The following CFAP20DC variants were observed in gnomAD, a reference collection of about 807,000 sequenced individuals.
CFAP20DC encodes CFAP20 domain containing, also known as protein CFAP20DC.
A neutral mutation model predicts 101.7 loss-of-function variants in CFAP20DC; 84 were observed. The observed-to-expected ratio is 0.83, with a 90% confidence interval of 0.69 to 0.99. The LOEUF (loss-of-function observed/expected upper bound fraction) is 0.99, where lower values mean the gene tolerates loss of function less well. CFAP20DC is among the 50% of genes least tolerant of loss of function. CFAP20DC has a pLI of 0.00. For missense variants in CFAP20DC, 1,007 were observed against 970.3 expected (o/e 1.04, Z -0.50); for synonymous variants, 359 against 351.2 (o/e 1.02, Z -0.25).
At chr3:59,020,738 A>C (rs375461685) in intron 4 of CFAP20DC, among the ~76,000 whole-genome samples, 2 of 152,080 alleles carry the variant, frequency 1.3e-5, no homozygotes, top group African/African-American at 4.8e-5. Context: ...TTTAAACTCA[A>C]TTGTGTGGTT....
At chr3:58,752,588 A>G (rs2068650804) in intron 16 of CFAP20DC, among the ~76,000 whole-genome samples, 1 of 152,102 alleles carries the variant, frequency 6.6e-6, no homozygotes, top group Admixed American at 6.6e-5. Context: ...ATAACACATT[A>G]TTTGTTCCCT....
chr3:58,931,552 G>T (rs1405004861), intron 5 of CFAP20DC, among the ~76,000 whole-genome samples: 1 of 152,150 alleles, frequency 6.6e-6, no homozygotes, highest in Non-Finnish European at 1.5e-5. Flanking sequence ...ACTTCACACG[G>T]GCGGGTACTC....
rs149044703 is a variant in CFAP20DC, at chr3:58,943,944, C to T, written c.279-6182G>A. On this transcript the variant is annotated intron_variant, in intron 4 of 16. Transcript: ENST00000482387. ...TGAAGCATACGCAAGTATCAATAGC[C>T]GAATCAATCAAGCGGAAGAAAGGAT... 1.7e-3 allele frequency among the ~76,000 whole-genome samples: 254 copies of T among 151,726 alleles called. 1 individual carries two copies. The highest frequency in any genetic ancestry group is 7.7e-3 in the South Asian group (37 of 4,780).
At chr3:58,978,736 T>C (rs1318548394) in intron 4 of CFAP20DC, among the ~76,000 whole-genome samples, 1 of 142,482 alleles carries the variant, frequency 7.0e-6, no homozygotes, top group Admixed American at 6.9e-5. Context: ...AAAAAAAAAG[T>C]CTTACTCTGT....
intron 15 of CFAP20DC, among the ~76,000 whole-genome samples, chr3:58,756,506 T>C (rs1399999730): frequency 6.6e-6 from 1 of 152,164 alleles, no homozygotes; most frequent in African/African-American, 2.4e-5. Flanking sequence ...TCCTTTTGTG[T>C]TACATTTTAG....
intron 4 of CFAP20DC, among the ~76,000 whole-genome samples, chr3:59,020,345 A>G (rs930977733): frequency 2.0e-5 from 3 of 152,078 alleles, no homozygotes; most frequent in Non-Finnish European, 2.9e-5. Context: ...TCTTATAGAC[A>G]TAACATTTTA....
intron 4 of CFAP20DC, among the ~76,000 whole-genome samples, chr3:59,036,163 G>A (rs1428471535): frequency 1.3e-5 from 2 of 151,986 alleles, no homozygotes; most frequent in Non-Finnish European, 2.9e-5. Context: ...ATAATAAGAG[G>A]TATTTATGAC....
At position 59,005,723 on chromosome 3, in the gene CFAP20DC, T is replaced by C. The variant is rs541264309; in HGVS notation, c.278+33834A>G. On this transcript the variant is annotated intron_variant, in intron 4 of 16. Transcript: ENST00000482387. ...TTATTGTCATAAAAATTTCAATATATTAATGTAATTAAATGTCTTCATCAT... is the reference window on the plus strand; with the variant it reads ...TTATTGTCATAAAAATTTCAATATACTAATGTAATTAAATGTCTTCATCAT... 9.2e-5 allele frequency among the ~76,000 whole-genome samples: 14 copies of C among 152,354 alleles called. No individual in the cohort carries two copies. In the East Asian group the frequency reaches 2.5e-3, roughly 27 times the overall value.
chr3:58,773,039 T>A (rs1422019490), intron 15 of CFAP20DC, among the ~76,000 whole-genome samples: 1 of 151,470 alleles, frequency 6.6e-6, no homozygotes. Flanking sequence ...CTTAAAGCAG[T>A]TTCTCTCTTT....
At chr3:58,862,529 G>A (rs2108461151) in intron 12 of CFAP20DC, 1 of 985,290 alleles carries the variant, frequency 1.0e-6, no homozygotes, top group Non-Finnish European at 1.2e-6. Flanking sequence ...TCCTCTACGC[G>A]CTTTGCTGAA....
At position 58,869,599 on chromosome 3, in the gene CFAP20DC, C is replaced by T. The variant is rs1174329804; in HGVS notation, c.853-109G>A. The T allele has an allele frequency of 2.5e-6, 2 of 791,616 alleles. No individual in the cohort carries two copies. Among genetic ancestry groups the T allele is most frequent in the Admixed American group, 3.3e-5 (1 of 30,102 alleles). The allele number at this position is 791,616 out of a possible 1,614,324, so 49.0% of individuals were successfully genotyped here. On this transcript the variant is annotated intron_variant, in intron 8 of 16. Transcript: ENST00000482387. This position sits in a 1 kb window ranked among gnomAD's most constrained non-coding sequence, Gnocchi z 4.3. ...GGACCAATGAAGAGTGAGAAAAAAA[C>T]TAGAGGAAATGAGGTTAAGATGTGA...
rs1233007468 is a variant in CFAP20DC, at chr3:58,874,210, TCATG to T, written c.716-3905_716-3902del. Among the ~76,000 whole-genome samples the T allele has an allele frequency of 6.6e-6, 1 of 152,180 alleles. No individual in the cohort carries two copies. ...GGTTTGAAAAGTCAGAATCTAGGTG[TCATG>T]CTTGACACCTTCCCCTGATCTCTCC... On this transcript the variant is annotated intron_variant, in intron 7 of 16. Transcript: ENST00000482387. This position sits in a 1 kb window ranked among gnomAD's most constrained non-coding sequence, Gnocchi z 5.1.
At position 58,807,347 on chromosome 3, in the gene CFAP20DC, C is replaced by T. The variant is rs56792158; in HGVS notation, c.2176-891G>A. On this transcript the variant is annotated intron_variant, in intron 14 of 16. Transcript: ENST00000482387. The stretch of plus-strand genomic sequence containing the variant: ...GGGGCAGACTGACACTTCACACGGG[C>T]GGGTACTCCTCTGAGATAAAACTTC... 1.7e-3 allele frequency among the ~76,000 whole-genome samples: 254 copies of T among 152,236 alleles called. 6 individuals are homozygous for T. In the East Asian group the frequency reaches 0.045, roughly 27 times the overall value.
intron 5 of CFAP20DC, among the ~76,000 whole-genome samples, chr3:58,924,519 T>C (rs1314652710): frequency 2.2e-4 from 34 of 152,196 alleles, no homozygotes; most frequent in Non-Finnish European, 1.6e-4. Flanking sequence ...CTATTGTGAA[T>C]AGTTCTGTAA....
At chr3:58,942,790 A>T (rs1044251886) in intron 4 of CFAP20DC, among the ~76,000 whole-genome samples, 2 of 152,102 alleles carry the variant, frequency 1.3e-5, no homozygotes, top group African/African-American at 4.8e-5. Flanking sequence ...AGTGGATCCC[A>T]CCCCCATGGA....
chr3:58,726,521 C>T (rs1372363915), intron 3 of CFAP20DC: 1 of 160,048 alleles, frequency 6.2e-6, no homozygotes, highest in East Asian at 1.9e-4. Flanking sequence ...CAACCCATCC[C>T]TTCCACTCAC....
At chr3:58,805,742 A>G (rs1271418044) in intron 15 of CFAP20DC, among the ~76,000 whole-genome samples, 1 of 152,234 alleles carries the variant, frequency 6.6e-6, no homozygotes, top group African/African-American at 2.4e-5. Flanking sequence ...TTTATCAGAA[A>G]GTTGTAGAAT....
intron 7 of CFAP20DC, among the ~76,000 whole-genome samples, chr3:58,880,734 C>T (rs2081170046): frequency 6.6e-6 from 1 of 152,078 alleles, no homozygotes; most frequent in South Asian, 2.1e-4. Context: ...GATCCATATT[C>T]AACAGATATT....
chr3:58,867,670 A>G, intron 10 of CFAP20DC, 147 bp downstream of exon 10: 1 of 925,354 alleles, frequency 1.1e-6, no homozygotes, highest in Non-Finnish European at 1.6e-6. Context: ...TTTTGCAGAA[A>G]ATTTGATTTC....
Sources: gnomAD v4.1 joint callset for allele counts (sites outside exome capture counted in the v4.1 genomes callset) on GRCh38, gnomAD v4.1.1 for gene constraint, Gnocchi (gnomAD v3.1) non-coding constraint, MANE v1.5 for transcripts, NCBI Gene and HGNC (gene_info 2026-07-23, HGNC 2026-07-21) for gene names.